Variants in UNC13C observed in about 807,000 individuals in gnomAD.
UNC13C encodes protein unc-13 homolog C.
A neutral mutation model predicts 245.4 loss-of-function variants in UNC13C; 174 were observed. The ratio of observed to expected loss-of-function variants is 0.71; its 90% CI spans 0.63 to 0.80. UNC13C has a LOEUF of 0.80. Among genes scored for constraint, UNC13C ranks in the 30% least tolerant of loss-of-function variants. UNC13C has a pLI of 0.00. For missense variants in UNC13C, 2,829 were observed against 2,602.9 expected (o/e 1.09, Z -1.89); for synonymous variants, 992 against 895.1 (o/e 1.11, Z -1.93).
At chr15:54,511,915 C>G in intron 24 of UNC13C, 85 bp downstream of exon 24, 1 of 885,280 alleles carries the variant, frequency 1.1e-6, no homozygotes, top group Non-Finnish European at 1.8e-6. Flanking sequence ...GTGTCTTAAT[C>G]AAGTTTTTAC....
chr15:54,010,071 C>G (rs1011988562), intron 1 of UNC13C, among the ~76,000 whole-genome samples: 1 of 152,184 alleles, frequency 6.6e-6, no homozygotes, highest in African/African-American at 2.4e-5. Context: ...TTCCCTTCTG[C>G]TCACACTGCT....
chr15:54,162,116 TAA>T (rs1371090808), intron 4 of UNC13C, among the ~76,000 whole-genome samples: 1 of 152,222 alleles, frequency 6.6e-6, no homozygotes, highest in South Asian at 2.1e-4. Context: ...TTGTTACTCA[TAA>T]ATTCATGTGC....
intron 19 of UNC13C, among the ~76,000 whole-genome samples, chr15:54,436,576 C>T: frequency 6.6e-6 from 1 of 151,974 alleles, no homozygotes; most frequent in Non-Finnish European, 1.5e-5. Flanking sequence ...GAAAACCAAA[C>T]ACTGCATATT....
chr15:54,206,660 A>T, intron 4 of UNC13C, among the ~76,000 whole-genome samples: 1 of 152,094 alleles, frequency 6.6e-6, no homozygotes, highest in East Asian at 1.9e-4. Flanking sequence ...GCTCTATCTA[A>T]ACCAGACAGT....
At position 54,331,151 on chromosome 15, in the gene UNC13C, G is replaced by A. The variant is rs372953715; in HGVS notation, c.4426-892G>A. On this transcript the variant is annotated intron_variant, in intron 14 of 32. Transcript: ENST00000260323. Reference sequence around the variant, plus strand: ...CATTTTTGTCAATATCCTCCAAAGTGCAATTTGGTGTTTACAGAATATTAA... The same window carrying A: ...CATTTTTGTCAATATCCTCCAAAGTACAATTTGGTGTTTACAGAATATTAA... 1.1e-4 allele frequency among the ~76,000 whole-genome samples: 16 copies of A among 152,104 alleles called. No homozygotes were observed. In the South Asian group the frequency reaches 2.5e-3, roughly 24 times the overall value.
At chr15:54,064,269 A>T (rs531973318) in intron 2 of UNC13C, among the ~76,000 whole-genome samples, 3 of 152,270 alleles carry the variant, frequency 2.0e-5, no homozygotes, top group African/African-American at 7.2e-5. Context: ...CCATAATTTC[A>T]TTTGTTATTT....
the UNC13C span, among the ~76,000 whole-genome samples, chr15:53,871,198 C>T: frequency 4.6e-5 from 7 of 152,224 alleles, no homozygotes; most frequent in African/African-American, 1.7e-4. Context: ...TATTTTTACC[C>T]CTCTTCCTCT....
At chr15:54,521,524 G>A (rs1895214284) in intron 24 of UNC13C, among the ~76,000 whole-genome samples, 1 of 152,292 alleles carries the variant, frequency 6.6e-6, no homozygotes, top group South Asian at 2.1e-4. Flanking sequence ...GCAAGAGCTT[G>A]AGGGTCAGTT....
chr15:54,235,719 T>C (rs8033291), intron 5 of UNC13C, among the ~76,000 whole-genome samples: 82,532 of 151,852 alleles, frequency 0.54, 23,856 homozygotes, highest in African/African-American at 0.74. Flanking sequence ...GGAGTGGTTG[T>C]GGGCACCTGT....
the UNC13C span, among the ~76,000 whole-genome samples, chr15:53,942,534 A>C: frequency 6.6e-6 from 1 of 151,868 alleles, no homozygotes; most frequent in Non-Finnish European, 1.5e-5. Context: ...TGCACATCCT[A>C]TACATGTACC....
At chr15:54,348,102 G>T (rs1479421984) in intron 17 of UNC13C, among the ~76,000 whole-genome samples, 1 of 152,144 alleles carries the variant, frequency 6.6e-6, no homozygotes, top group Non-Finnish European at 1.5e-5. Context: ...GCTGATTCAT[G>T]TATGTACAGT....
At chr15:53,896,303 A>G in the UNC13C span, among the ~76,000 whole-genome samples, 1 of 152,172 alleles carries the variant, frequency 6.6e-6, no homozygotes, top group African/African-American at 2.4e-5. Flanking sequence ...AAGTGACAGT[A>G]AGGCAAGATC....
At chr15:54,090,563 A>G (rs985127851) in intron 2 of UNC13C, among the ~76,000 whole-genome samples, 1 of 152,214 alleles carries the variant, frequency 6.6e-6, no homozygotes, top group East Asian at 1.9e-4. Context: ...AAATCCATAC[A>G]TTCTGGCTCA....
At chr15:53,843,598 C>T in the UNC13C span, among the ~76,000 whole-genome samples, 2 of 151,620 alleles carry the variant, frequency 1.3e-5, no homozygotes, top group Non-Finnish European at 2.9e-5. Context: ...GAGAAAAGGA[C>T]CAAGGCTAGA....
chr15:53,944,300 T>C, the UNC13C span, among the ~76,000 whole-genome samples: 1 of 152,152 alleles, frequency 6.6e-6, no homozygotes, highest in African/African-American at 2.4e-5. Context: ...GCAAGTTTTG[T>C]TATATAATTA....
chr15:54,175,914 A>C (rs553699406), intron 4 of UNC13C, among the ~76,000 whole-genome samples: 1 of 152,338 alleles, frequency 6.6e-6, no homozygotes, highest in African/African-American at 2.4e-5. Context: ...TATACTAAAT[A>C]GAAATTTTTT....
the UNC13C span, among the ~76,000 whole-genome samples, chr15:53,883,967 G>A: frequency 4.2e-4 from 64 of 152,252 alleles, no homozygotes; most frequent in African/African-American, 1.2e-3. Context: ...TCTGAGGGTA[G>A]GTTCCTTCTG....
intron 2 of UNC13C, among the ~76,000 whole-genome samples, chr15:54,078,816 T>A (rs1439969079): frequency 6.6e-6 from 1 of 152,114 alleles, no homozygotes; most frequent in East Asian, 1.9e-4. Context: ...AGGAGCTCTT[T>A]AAGTTCCATT....
chr15:54,097,377 C>G (rs1899923451), intron 2 of UNC13C, among the ~76,000 whole-genome samples: 1 of 152,134 alleles, frequency 6.6e-6, no homozygotes, highest in African/African-American at 2.4e-5. Context: ...GGATCTACCT[C>G]AATCTCCCCA....
Sources: gnomAD v4.1 joint callset for allele counts (sites outside exome capture counted in the v4.1 genomes callset) on GRCh38, gnomAD v4.1.1 for gene constraint, MANE v1.5 for transcripts, NCBI Gene and HGNC (gene_info 2026-07-23, HGNC 2026-07-21) for gene names.